The following YEATS2 variants were observed in gnomAD, a reference collection of about 807,000 sequenced individuals.
The protein encoded by YEATS2 is YEATS domain containing 2.
In YEATS2, 77 loss-of-function variants were observed where a neutral mutation model predicts 163.2. That is an observed-to-expected ratio of 0.47 (90% CI 0.39 to 0.57). The LOEUF (loss-of-function observed/expected upper bound fraction) is 0.57, where lower values mean the gene tolerates loss of function less well. Among genes scored for constraint, YEATS2 ranks in the 20% least tolerant of loss-of-function variants. The pLI is 0.00. For missense variants in YEATS2, 1,549 were observed against 1,729.8 expected (o/e 0.90, Z 1.85); for synonymous variants, 631 against 645.1 (o/e 0.98, Z 0.33).
At chr3:183,708,881 G>T (rs1445929499) in intron 1 of YEATS2, among the ~76,000 whole-genome samples, 6 of 151,840 alleles carry the variant, frequency 4.0e-5, no homozygotes, top group Admixed American at 1.3e-4. Context: ...ATTTTTTTTG[G>T]CCAGGCGCGG....
chr3:183,757,458 T>G (rs1483171745), intron 12 of YEATS2, among the ~76,000 whole-genome samples: 1 of 151,620 alleles, frequency 6.6e-6, no homozygotes, highest in Non-Finnish European at 1.5e-5. Flanking sequence ...GCCCAGCTAA[T>G]TTTTGTATTT....
intron 19 of YEATS2, among the ~76,000 whole-genome samples, chr3:183,783,490 G>A (rs1723769786): frequency 6.6e-6 from 1 of 152,190 alleles, no homozygotes; most frequent in Non-Finnish European, 1.5e-5. Flanking sequence ...CTAGGGTCAT[G>A]ATTGATCTTG....
rs758454040 is a variant in YEATS2 at position 183,807,009 on chromosome 3, G to C, written c.3928G>C (p.Glu1310Gln). ...SEPVKINIKKEQEEKQEEVKF... is the reference protein window; with the variant it reads ...SEPVKINIKKQQEEKQEEVKF... ...GCCAGTGAAGATAAACATCAAGAAGGAGCAGGAAGAGAAACAAGAGGAAGT... is the reference window on the plus strand; with the variant it reads ...GCCAGTGAAGATAAACATCAAGAAGCAGCAGGAAGAGAAACAAGAGGAAGT... The change falls in exon 28 of 31, where the codon GAG becomes CAG. Residue 1310 changes from glutamate to glutamine, a missense_variant. Coordinates refer to ENST00000305135, the MANE Select transcript of YEATS2 (RefSeq NM_018023.5). The C allele has an allele frequency of 6.2e-7, 1 of 1,614,118 alleles. No homozygotes were observed. Among genetic ancestry groups the C allele is most frequent in the Admixed American group, 1.7e-5 (1 of 60,012 alleles).
At chr3:183,762,698 CTTTT>C (rs111469866) in intron 15 of YEATS2, among the ~76,000 whole-genome samples, 1 of 143,664 alleles carries the variant, frequency 7.0e-6, no homozygotes. Context: ...CTGTAGAGTT[CTTTT>C]TTTTTTTTAA....
intron 30 of YEATS2, 37 bp from the exon 31 acceptor site, chr3:183,810,438 A>G: frequency 6.4e-7 from 1 of 1,563,140 alleles, no homozygotes; most frequent in Non-Finnish European, 8.8e-7. Context: ...TACGTGAGAG[A>G]ATTTCACCTG....
In YEATS2 at chr3:183,786,410, A is replaced by G. The variant is rs1251284767; in HGVS notation, c.2913+109A>G. 6.8e-6 allele frequency: 7 copies of G among 1,034,342 alleles called. No homozygotes were observed. In the Admixed American group the frequency reaches 1.9e-4, roughly 28 times the overall value. 64.1% of individuals were successfully genotyped at this position (1,034,342 alleles called of 1,614,324 possible). On this transcript the variant is annotated intron_variant, in intron 20 of 30. Coordinates refer to ENST00000305135, the MANE Select transcript of YEATS2 (RefSeq NM_018023.5). ...GTGGACCTTTTAAAAATACTCAACT[A>G]TTGCTTTTTTTTTTAAAGAAATATT...
At chr3:183,716,210 C>T (rs1428565920) in intron 2 of YEATS2, among the ~76,000 whole-genome samples, 5 of 152,258 alleles carry the variant, frequency 3.3e-5, no homozygotes, top group East Asian at 1.9e-4. Context: ...CCACCCGCCT[C>T]GGCGTCCCAA....
intron 8 of YEATS2, among the ~76,000 whole-genome samples, chr3:183,741,051 A>G (rs908463349): frequency 1.3e-5 from 2 of 151,748 alleles, no homozygotes; most frequent in African/African-American, 4.8e-5. Context: ...CAATCCTCCC[A>G]CCTCAGCCTC....
chr3:183,752,622 T>C (rs913605983), intron 10 of YEATS2, among the ~76,000 whole-genome samples: 3 of 147,132 alleles, frequency 2.0e-5, no homozygotes, highest in Admixed American at 1.4e-4. Flanking sequence ...GGCAGGAGAA[T>C]GGCTCGAACC....
rs569237399 is a variant in YEATS2, at chr3:183,727,432, G to T, written c.651-1258G>T. ...GGCCTGGCTTTTTCTGGGCCGACCT[G>T]TCTTGTAAAGTTGTCATCTCTCCCC... On this transcript the variant is annotated intron_variant, in intron 6 of 30. Transcript: ENST00000305135. Among the ~76,000 whole-genome samples the T allele has an allele frequency of 3.3e-5, 5 of 152,218 alleles. No individual in the cohort carries two copies. In the East Asian group the frequency reaches 7.7e-4, roughly 24 times the overall value.
At chr3:183,806,100 G>A (rs997844482) in intron 27 of YEATS2, 5 of 355,380 alleles carry the variant, frequency 1.4e-5, no homozygotes, top group African/African-American at 2.1e-5. Context: ...TGGTCTGAAA[G>A]CTGTAGGCAT....
chr3:183,797,241 C>A (rs1284759069), intron 21 of YEATS2, among the ~76,000 whole-genome samples: 1 of 146,136 alleles, frequency 6.8e-6, no homozygotes, highest in Non-Finnish European at 1.5e-5. Context: ...TGCACTCCAG[C>A]CTGGGTGACA....
intron 1 of YEATS2, among the ~76,000 whole-genome samples, chr3:183,713,373 G>A (rs1477209725): frequency 1.3e-5 from 2 of 152,062 alleles, no homozygotes; most frequent in African/African-American, 2.4e-5. Context: ...GACTAGCCTG[G>A]CCAACAAGGT....
rs182041835 is a variant in YEATS2 at position 183,809,498 on chromosome 3, C to A, written c.4160+328C>A. 37 of 198,380 alleles carry A rather than the reference C, an allele frequency of 1.9e-4. No homozygotes were observed. In the East Asian group the frequency reaches 4.1e-3, roughly 22 times the overall value. The allele number at this position is 198,380 out of a possible 1,614,324, so 12.3% of individuals were successfully genotyped here. A position where few individuals can be genotyped will look rare whatever the true frequency, so the allele number is the denominator to read the frequency against. ...TCCATTACATGTCAGACACGAGGGC[C>A]AAGCGTTGCATATATTACCTAATTT... is the stretch of plus-strand genomic sequence containing the variant. On this transcript the variant is annotated intron_variant, in intron 30 of 30. Coordinates refer to ENST00000305135, the MANE Select transcript of YEATS2 (RefSeq NM_018023.5).
Position 183,772,533 on chromosome 3 carries a change from G to A in YEATS2, c.2176G>A (p.Gly726Ser), listed in dbSNP as rs752183176. The A allele has an allele frequency of 1.2e-6, 2 of 1,614,062 alleles. No individual in the cohort carries two copies. Among genetic ancestry groups the A allele is most frequent in the Admixed American group, 1.7e-5 (1 of 60,014 alleles). The change falls in exon 16 of 31, where the codon GGT (glycine) becomes AGT (serine). Residue 726 changes from glycine to serine, a missense_variant. Transcript: ENST00000305135. ...AACCAAGGCCCAGGTTACTGCCGCT[G>A]GTCCTCAGAAGAGTGGATCCCAGGG... ...TLTKAQVTAA[G>S]PQKSGSQGSV...
At chr3:183,789,896 T>C (rs547915357) in intron 20 of YEATS2, among the ~76,000 whole-genome samples, 1 of 152,274 alleles carries the variant, frequency 6.6e-6, no homozygotes, top group South Asian at 2.1e-4. Context: ...TTCTTTTTTA[T>C]GTAAATATCC....
chr3:183,806,152 C>T (rs1398530341), intron 27 of YEATS2: 2 of 377,920 alleles, frequency 5.3e-6, no homozygotes, highest in Admixed American at 6.9e-5. Context: ...CCAGATAAGG[C>T]CATCGTAAGT....
intron 1 of YEATS2, among the ~76,000 whole-genome samples, chr3:183,708,061 C>T (rs983893795): frequency 4.6e-5 from 7 of 151,630 alleles, no homozygotes; most frequent in East Asian, 1.9e-4. Flanking sequence ...TGATGTGAGG[C>T]ACATAGAATT....
chr3:183,779,510 T>C (rs1723344527), intron 19 of YEATS2, among the ~76,000 whole-genome samples: 1 of 152,268 alleles, frequency 6.6e-6, no homozygotes, highest in South Asian at 2.1e-4. Context: ...TCAGGTTACT[T>C]GGCTACTTTG....
Sources: allele counts gnomAD v4.1 joint callset (sites outside exome capture counted in the v4.1 genomes callset), GRCh38; gene constraint gnomAD v4.1.1; transcripts MANE v1.5; gene names NCBI Gene and HGNC (gene_info 2026-07-23, HGNC 2026-07-21).